SPICE1: variants seen among roughly 807,000 people sequenced by gnomAD.
SPICE1 encodes the protein spindle and centriole associated protein 1, also known as spindle and centriole-associated protein 1.
SPICE1 carries 75 observed loss-of-function variants against 102.7 expected under a neutral mutation model. That is an observed-to-expected ratio of 0.73 (90% confidence interval 0.61 to 0.88). The LOEUF is 0.88. Among genes scored for constraint, SPICE1 ranks in the 40% least tolerant of loss-of-function variants. The probability of loss-of-function intolerance (pLI) is 0.00; values close to 1 mark genes in which losing one functional copy is unlikely to be tolerated. For synonymous variants in SPICE1, 308 were observed against 350.3 expected (o/e 0.88, Z 1.35); for missense variants, 979 against 1,020.1 (o/e 0.96, Z 0.55).
At chr3:113,490,689 C>A (rs746158563) in intron 6 of SPICE1, among the ~76,000 whole-genome samples, 2 of 152,086 alleles carry the variant, frequency 1.3e-5, no homozygotes, top group African/African-American at 2.4e-5. Flanking sequence ...AGCTGAACAG[C>A]TTTCTAAGCC....
intron 1 of SPICE1, among the ~76,000 whole-genome samples, chr3:113,510,466 T>G (rs1158056323): frequency 6.6e-6 from 1 of 152,064 alleles, no homozygotes; most frequent in Non-Finnish European, 1.5e-5. Flanking sequence ...AAAATAAGAC[T>G]GCACATCTAC....
intron 12 of SPICE1, 134 bp from the exon 13 acceptor site, chr3:113,457,491 C>G: frequency 1.2e-6 from 1 of 822,774 alleles, no homozygotes; most frequent in Non-Finnish European, 1.9e-6. Context: ...GGAGCCTTCA[C>G]TTTCTAGGCT....
chr3:113,469,414 T>C (rs961122975), intron 7 of SPICE1, among the ~76,000 whole-genome samples, 176 bp from the exon 8 acceptor site: 1 of 146,490 alleles, frequency 6.8e-6, no homozygotes, highest in Non-Finnish European at 1.5e-5. Context: ...ATAAATTTAA[T>C]TATAATTTAT....
At chr3:113,484,658 G>A (rs1048790558) in intron 7 of SPICE1, among the ~76,000 whole-genome samples, 2 of 152,170 alleles carry the variant, frequency 1.3e-5, no homozygotes, top group South Asian at 2.1e-4. Context: ...TCAGGAGCAG[G>A]TTGTTCAGTT....
intron 6 of SPICE1, among the ~76,000 whole-genome samples, chr3:113,489,824 G>A (rs1936726443): frequency 2.1e-5 from 3 of 141,970 alleles, no homozygotes; most frequent in Admixed American, 1.4e-4. Flanking sequence ...TTCCAGCCTG[G>A]GCAACAGAGC....
At position 113,486,531 on chromosome 3, in the gene SPICE1, A is replaced by G. The variant is rs1027033932; in HGVS notation, c.611+2414T>C. Among the ~76,000 whole-genome samples the G allele has an allele frequency of 2.6e-5, 4 of 151,620 alleles. No individual in the cohort carries two copies. The South Asian group carries it at 6.2e-4, about 24-fold the overall frequency. ...TAATATATATATATGAGAATGGTCA[A>G]ATAAACTACAGTACATTCACACAAT... On this transcript the variant is annotated intron_variant, in intron 7 of 17. Coordinates refer to ENST00000295872, the MANE Select transcript of SPICE1 (RefSeq NM_144718.4).
At chr3:113,483,666 T>C (rs573423701) in intron 7 of SPICE1, among the ~76,000 whole-genome samples, 8 of 152,342 alleles carry the variant, frequency 5.3e-5, no homozygotes, top group Admixed American at 3.9e-4. Context: ...TCTGTTTATG[T>C]GATGGATTAC....
rs754668448 is a variant in SPICE1, at chr3:113,453,868, T to G, written c.1740A>C (p.Glu580Asp). Residue 580 changes from glutamate (E) to aspartate (D), a missense_variant, in exon 14 of 18, where the codon GAA (glutamate) becomes GAC (aspartate). Transcript: ENST00000295872. Reference sequence around the variant, plus strand: ...CTGTATCAATAGGTAAGGTCTTCTCTTCCCAATTTTGTTCCTTCTCAATTA... The same window carrying G: ...CTGTATCAATAGGTAAGGTCTTCTCGTCCCAATTTTGTTCCTTCTCAATTA... ...VEIIEKEQNW[E>D]EKTLPIDTDI... 2.5e-6 allele frequency: 4 copies of G among 1,614,226 alleles called. No homozygotes were observed. Among genetic ancestry groups the G allele is most frequent in the South Asian group, 1.1e-5 (1 of 91,086 alleles).
At chr3:113,514,322 T>A (rs1349501058) in intron 1 of SPICE1, 1 of 233,556 alleles carries the variant, frequency 4.3e-6, no homozygotes, top group Non-Finnish European at 8.5e-6. Flanking sequence ...GGAAAACTGA[T>A]CAAAGAGAAA....
chr3:113,485,986 C>G (rs891573773), intron 7 of SPICE1, among the ~76,000 whole-genome samples: 10 of 151,976 alleles, frequency 6.6e-5, no homozygotes, highest in Non-Finnish European at 1.5e-5. Flanking sequence ...GTGGCGCATG[C>G]CTGTAATCCA....
At chr3:113,459,947 A>C (rs1935887501) in intron 12 of SPICE1, 1 of 985,222 alleles carries the variant, frequency 1.0e-6, no homozygotes, top group Non-Finnish European at 1.2e-6. Context: ...CTAGCCAATG[A>C]GTTTACCTCA....
Position 113,514,935 on chromosome 3 carries a change from GAAGT to G in SPICE1, c.-43_-40del. The stretch of plus-strand genomic sequence containing the variant: ...ACACAGAGCCGCGGCTGCGCTTCCT[GAAGT>G]AAGGATTCCCCAACCGGGCGCCTGG... On this transcript the variant is annotated 5_prime_UTR_variant, in exon 1 of 18. Transcript: ENST00000295872. 9.2e-7 allele frequency: 1 copy of G among 1,084,178 alleles called. No individual in the cohort carries two copies. Among genetic ancestry groups the G allele is most frequent in the Non-Finnish European group, 1.2e-6 (1 of 853,886 alleles). The allele number at this position is 1,084,178 out of a possible 1,614,324, so 67.2% of individuals were successfully genotyped here.
intron 7 of SPICE1, among the ~76,000 whole-genome samples, chr3:113,482,785 C>A (rs1936543097): frequency 6.6e-6 from 1 of 152,114 alleles, no homozygotes; most frequent in Non-Finnish European, 1.5e-5. Flanking sequence ...GGTACCAGTA[C>A]CATGCTGTTT....
intron 13 of SPICE1, 57 bp downstream of exon 13, chr3:113,457,079 A>C: frequency 4.0e-6 from 6 of 1,514,012 alleles, no homozygotes; most frequent in Non-Finnish European, 5.4e-6. Flanking sequence ...AAAGTAATAC[A>C]TTGCACAAAT....
chr3:113,450,219 T>C (rs751022825), intron 15 of SPICE1, 117 bp downstream of exon 15: 2 of 1,170,074 alleles, frequency 1.7e-6, no homozygotes, highest in East Asian at 2.5e-5. Context: ...CTGTGCAAAA[T>C]TGAAGGCACC....
intron 12 of SPICE1, among the ~76,000 whole-genome samples, chr3:113,458,598 A>G (rs1386732797): frequency 6.6e-6 from 1 of 152,042 alleles, no homozygotes; most frequent in Non-Finnish European, 1.5e-5. Flanking sequence ...TTGGCCTCCC[A>G]AAGTGCCGAG....
At chr3:113,447,147 AG>A (rs1267092830) in intron 16 of SPICE1, among the ~76,000 whole-genome samples, 8 of 152,164 alleles carry the variant, frequency 5.3e-5, no homozygotes, top group Admixed American at 2.0e-4. Flanking sequence ...TGAAACTGTA[AG>A]TCCAATTCAA....
chr3:113,450,427 T>A lies in SPICE1; in HGVS notation c.2232A>T (p.Lys744Asn). 1 of 1,613,926 alleles carries A rather than the reference T, an allele frequency of 6.2e-7. No homozygotes were observed. The highest frequency in any genetic ancestry group is 8.5e-7 in the Non-Finnish European group (1 of 1,179,978). The change falls in exon 15 of 18, where the codon AAA (lysine) becomes AAT (asparagine). Residue 744 changes from lysine to asparagine, a missense_variant. Physicochemically the swap from Lys to Asn is moderately conservative, Grantham distance 94 (BLOSUM62 0). Transcript: ENST00000295872. ...TCTGCTGCTCTATCAACTGCAGTAGTTTTCCACGAGCCTCCATACTTTGTC... is the reference window on the plus strand; with the variant it reads ...TCTGCTGCTCTATCAACTGCAGTAGATTTCCACGAGCCTCCATACTTTGTC... ...LNRQSMEARG[K>N]LLQLIEQQKL...
rs1049525551 is a variant in SPICE1 at position 113,469,313 on chromosome 3, TAGC to T, written c.612-78_612-76del. ...TATAATATAAATATAAATTAAATGA[TAGC>T]AGGCATTTAATTTATATTTACATTA... On this transcript the variant is annotated intron_variant, in intron 7 of 17. Coordinates refer to ENST00000295872, the MANE Select transcript of SPICE1 (RefSeq NM_144718.4). 37 of 488,552 alleles carry T rather than the reference TAGC, an allele frequency of 7.6e-5. No individual in the cohort carries two copies. In the South Asian group the frequency reaches 7.8e-4, roughly 10 times the overall value. 30.3% of individuals were successfully genotyped at this position (488,552 alleles called of 1,614,324 possible).
Sources: gnomAD v4.1 joint callset for allele counts (sites outside exome capture counted in the v4.1 genomes callset) on GRCh38, gnomAD v4.1.1 for gene constraint, MANE v1.5 for transcripts, NCBI Gene and HGNC (gene_info 2026-07-23, HGNC 2026-07-21) for gene names.